SUMF1: variants seen among roughly 807,000 people sequenced by gnomAD.
The protein encoded by SUMF1 is formylglycine-generating enzyme.
SUMF1 carries 48 observed loss-of-function variants against 47.6 expected under a neutral mutation model. The observed-to-expected ratio is 1.01, with a 90% confidence interval of 0.80 to 1.28. SUMF1 has a LOEUF of 1.28. SUMF1 is among the 50% of genes most tolerant of loss of function. SUMF1 has a pLI of 0.00. For missense variants in SUMF1, 571 were observed against 485.4 expected, an observed-to-expected ratio of 1.18 and a Z score of -1.66; for synonymous variants, 230 against 192.1, an observed-to-expected ratio of 1.20 and a Z score of -1.63.
chr3:4,363,175 G>C (rs1699826101), intron 8 of SUMF1, among the ~76,000 whole-genome samples: 1 of 151,976 alleles, frequency 6.6e-6, no homozygotes, highest in African/African-American at 2.4e-5. Context: ...GATGGCCACT[G>C]AAAAAATACT....
intron 8 of SUMF1, among the ~76,000 whole-genome samples, chr3:4,318,925 C>T (rs558218263): frequency 1.6e-4 from 25 of 151,948 alleles, no homozygotes; most frequent in East Asian, 1.4e-3. Context: ...CAAAAAAAGC[C>T]GTAAAAATAA....
At chr3:4,245,545 T>G (rs1020462231) in intron 8 of SUMF1, among the ~76,000 whole-genome samples, 4 of 152,138 alleles carry the variant, frequency 2.6e-5, no homozygotes, top group African/African-American at 7.2e-5. Flanking sequence ...CCAATCCTGT[T>G]TGCCTGACTA....
chr3:4,432,248 T>G (rs1702256093), intron 3 of SUMF1, among the ~76,000 whole-genome samples: 1 of 151,032 alleles, frequency 6.6e-6, no homozygotes, highest in African/African-American at 2.4e-5. Context: ...CATACTAGAT[T>G]CCTGTCTTTT....
chr3:4,454,696 A>G (rs1308641397), intron 1 of SUMF1, among the ~76,000 whole-genome samples: 1 of 152,260 alleles, frequency 6.6e-6, no homozygotes, highest in African/African-American at 2.4e-5. Context: ...CAGCTGATGA[A>G]TAAGTAAACA....
intron 3 of SUMF1, among the ~76,000 whole-genome samples, chr3:4,438,564 C>T (rs188439574): frequency 7.9e-4 from 121 of 152,284 alleles, no homozygotes; most frequent in African/African-American, 2.8e-3. Flanking sequence ...CCCCTACTTA[C>T]CTCTGATGTT....
intron 1 of SUMF1, among the ~76,000 whole-genome samples, chr3:4,460,460 C>A (rs2079780589): frequency 4.6e-5 from 7 of 152,004 alleles, no homozygotes; most frequent in Admixed American, 4.6e-4. Context: ...CTCTCACACT[C>A]TCTCTTGCCC....
intron 8 of SUMF1, among the ~76,000 whole-genome samples, chr3:4,134,783 A>C (rs186510952): frequency 6.6e-6 from 1 of 152,248 alleles, no homozygotes; most frequent in African/African-American, 2.4e-5. Context: ...AAAATGATAA[A>C]GGGGGTATCA....
At chr3:4,149,077 G>C (rs1486478884) in intron 8 of SUMF1, among the ~76,000 whole-genome samples, 2 of 152,120 alleles carry the variant, frequency 1.3e-5, no homozygotes, top group Admixed American at 6.5e-5. Flanking sequence ...TCCTAACGCT[G>C]GATTCTCTGG....
At chr3:4,248,218 A>G (rs982424898) in intron 8 of SUMF1, among the ~76,000 whole-genome samples, 1 of 152,204 alleles carries the variant, frequency 6.6e-6, no homozygotes, top group Non-Finnish European at 1.5e-5. Context: ...CCTGAAAACA[A>G]AGGAGTCATT....
intron 8 of SUMF1, among the ~76,000 whole-genome samples, chr3:4,075,679 A>T (rs1390860675): frequency 6.6e-6 from 1 of 152,138 alleles, no homozygotes; most frequent in East Asian, 1.9e-4. Context: ...AATCACAGGC[A>T]TTCCTACATA....
chr3:4,265,533 C>T (rs1406383008), intron 8 of SUMF1, among the ~76,000 whole-genome samples: 1 of 152,114 alleles, frequency 6.6e-6, no homozygotes, highest in African/African-American at 2.4e-5. Flanking sequence ...CCTAGCTACC[C>T]CTCAAACTAT....
At chr3:4,425,569 A>G (rs2582343) in intron 3 of SUMF1, among the ~76,000 whole-genome samples, 137,673 of 151,864 alleles carry the variant, frequency 0.91, 63,819 homozygotes, top group Non-Finnish European at 1. Context: ...CCAAGAGCTA[A>G]GGGGTGAAGG....
chr3:4,153,720 C>A lies in SUMF1; in HGVS notation c.1015-84975G>T, dbSNP rs145449451. Among the ~76,000 whole-genome samples the A allele has an allele frequency of 1.9e-3, 284 of 151,512 alleles. 9 individuals carry two copies. The East Asian group carries it at 0.049, about 26-fold the overall frequency. On this transcript the variant is annotated intron_variant and NMD_transcript_variant, in intron 8 of 12. Transcript: ENST00000448413. ...TCAACATAACTACATTACCATTCAC[C>A]TCCTTTGTATAGTTATTGTAAAACA...
intron 8 of SUMF1, among the ~76,000 whole-genome samples, chr3:4,161,404 G>T (rs1179232599): frequency 6.6e-6 from 1 of 152,166 alleles, no homozygotes; most frequent in Non-Finnish European, 1.5e-5. Flanking sequence ...GTTCTCCCAG[G>T]CCCTCGGTGG....
At position 4,410,943 on chromosome 3, in the gene SUMF1, G is replaced by A. The variant is rs369648085; in HGVS notation, c.876C>T (p.Tyr292=). The A allele has an allele frequency of 5.0e-6, 8 of 1,613,944 alleles. No homozygotes were observed. The Admixed American group carries it at 1.0e-4, about 20-fold the overall frequency. Residue 292 remains tyrosine, a synonymous_variant, in exon 7 of 9, where the codon TAC becomes TAT. Coordinates refer to ENST00000272902, the MANE Select transcript of SUMF1 (RefSeq NM_182760.4). ...ATTCCCATGCGTTCCCCACTATGTTGTATAAGCCATAACCATTGGGAGGGA... is the reference window on the plus strand; with the variant it reads ...ATTCCCATGCGTTCCCCACTATGTTATATAAGCCATAACCATTGGGAGGGA... ...DAFPPNGYGL[Y]NIVGNAWEWT...
chr3:4,233,858 C>G (rs1696352814), intron 8 of SUMF1, among the ~76,000 whole-genome samples: 1 of 152,060 alleles, frequency 6.6e-6, no homozygotes, highest in South Asian at 2.1e-4. Flanking sequence ...GTAACAGCAC[C>G]AGGGTTTGCA....
intron 8 of SUMF1, among the ~76,000 whole-genome samples, chr3:4,356,126 G>T (rs17040474): frequency 1.1e-4 from 16 of 152,260 alleles, no homozygotes; most frequent in African/African-American, 3.9e-4. Context: ...TGAGGCTCTC[G>T]GAGTTAATAA....
intron 8 of SUMF1, among the ~76,000 whole-genome samples, chr3:4,089,255 T>C (rs1692734401): frequency 6.6e-6 from 1 of 152,170 alleles, no homozygotes; most frequent in African/African-American, 2.4e-5. Flanking sequence ...ATAAATTTTC[T>C]TAAAATGTAA....
chr3:4,218,198 A>G (rs1695980347), intron 8 of SUMF1, among the ~76,000 whole-genome samples: 1 of 152,024 alleles, frequency 6.6e-6, no homozygotes. Context: ...CTTACGAGAA[A>G]TCAACCCTGT....
Sources: allele counts gnomAD v4.1 joint callset (sites outside exome capture counted in the v4.1 genomes callset), GRCh38; gene constraint gnomAD v4.1.1; transcripts MANE v1.5; gene names NCBI Gene and HGNC (gene_info 2026-07-23, HGNC 2026-07-21).